KDM4C: variants seen among roughly 807,000 people sequenced by gnomAD.
KDM4C encodes the protein lysine demethylase 4C.
Under a neutral mutation model 129.3 loss-of-function variants are expected in KDM4C, and 81 were observed. That is an observed-to-expected ratio of 0.63 (90% CI 0.52 to 0.75). The LOEUF is 0.75. KDM4C is among the 30% of genes least tolerant of loss of function. The pLI is 0.00. For missense variants in KDM4C, 1,457 were observed against 1,304.0 expected (o/e 1.12, Z -1.81); for synonymous variants, 573 against 456.1 (o/e 1.26, Z -3.26).
At chr9:6,943,624 A>G (rs1311310567) in intron 8 of KDM4C, among the ~76,000 whole-genome samples, 6 of 152,014 alleles carry the variant, frequency 3.9e-5, no homozygotes, top group Non-Finnish European at 7.4e-5. Flanking sequence ...GCAGTGAGCC[A>G]TAATTGCCCC....
chr9:6,989,940 A>G (rs1029944094), intron 11 of KDM4C, among the ~76,000 whole-genome samples: 1 of 148,352 alleles, frequency 6.7e-6, no homozygotes, highest in African/African-American at 2.5e-5. Context: ...ATACCTGGCT[A>G]TTTTTTTTTT....
chr9:6,812,473 G>A (rs1286799257), intron 3 of KDM4C, among the ~76,000 whole-genome samples: 1 of 152,118 alleles, frequency 6.6e-6, no homozygotes, highest in African/African-American at 2.4e-5. Flanking sequence ...GGATGGGAGT[G>A]GTGGGATGGT....
chr9:6,905,202 A>G (rs1818105143), intron 8 of KDM4C, among the ~76,000 whole-genome samples: 1 of 152,236 alleles, frequency 6.6e-6, no homozygotes, highest in Non-Finnish European at 1.5e-5. Flanking sequence ...TTAACGAGGA[A>G]CAAATGTAAC....
intron 1 of KDM4C, among the ~76,000 whole-genome samples, chr9:6,763,749 T>A (rs1820054919): frequency 6.6e-6 from 1 of 152,182 alleles, no homozygotes; most frequent in Non-Finnish European, 1.5e-5. Flanking sequence ...CCTTTTCACA[T>A]TGGAGAATGC....
intron 8 of KDM4C, among the ~76,000 whole-genome samples, chr9:6,952,916 CGGG>C (rs1563875129): frequency 6.6e-6 from 1 of 151,898 alleles, no homozygotes; most frequent in Non-Finnish European, 1.5e-5. Context: ...GGTTTGCAGT[CGGG>C]GGAGGGAGAT....
At chr9:6,951,959 G>T (rs1252504411) in intron 8 of KDM4C, among the ~76,000 whole-genome samples, 1 of 151,906 alleles carries the variant, frequency 6.6e-6, no homozygotes, top group Non-Finnish European at 1.5e-5. Flanking sequence ...TAATATTGGG[G>T]TATGGCAGTG....
At position 6,743,350 on chromosome 9, in the gene KDM4C, G is replaced by T. The variant is rs1817767155; in HGVS notation, c.49+22353G>T. ...TAACCAGCACCCCGCACAATTCAGGGCACACGGGAGGTATGAGGCACATTT... is the reference window on the plus strand; with the variant it reads ...TAACCAGCACCCCGCACAATTCAGGTCACACGGGAGGTATGAGGCACATTT... On this transcript the variant is annotated intron_variant, in intron 1 of 17. Transcript: ENST00000536108. 2.0e-5 allele frequency among the ~76,000 whole-genome samples: 3 copies of T among 152,072 alleles called. No homozygotes were observed. In the South Asian group the frequency reaches 6.2e-4, roughly 32 times the overall value.
intron 4 of KDM4C, among the ~76,000 whole-genome samples, chr9:6,821,483 A>AT (rs973133589): frequency 3.4e-4 from 51 of 152,138 alleles, no homozygotes; most frequent in African/African-American, 1.2e-3. Flanking sequence ...GATGATGAGC[A>AT]TTTTTTCTTG....
intron 17 of KDM4C, among the ~76,000 whole-genome samples, chr9:7,090,233 A>G (rs1259882322): frequency 2.6e-5 from 4 of 152,210 alleles, no homozygotes; most frequent in South Asian, 2.1e-4. Flanking sequence ...ATTTTGACAC[A>G]CAGCCTTTAA....
chr9:6,775,865 G>T (rs1822917116), intron 1 of KDM4C, among the ~76,000 whole-genome samples: 1 of 152,054 alleles, frequency 6.6e-6, no homozygotes, highest in Non-Finnish European at 1.5e-5. Flanking sequence ...TTTGGTGCTT[G>T]GTAATTCCTT....
At chr9:6,856,578 G>GTGTA (rs1256987219) in intron 5 of KDM4C, among the ~76,000 whole-genome samples, 3 of 132,372 alleles carry the variant, frequency 2.3e-5, no homozygotes, top group South Asian at 5.8e-4. Context: ...GTGTGTGTGT[G>GTGTA]TGTATTTTTT....
rs146316520 is a variant in KDM4C, at chr9:6,863,772, C to T, written c.629+14072C>T. Reference sequence around the variant, plus strand: ...ATCTTGCCACTGCCTCCAGCCTGGGCGACACAGCGAGACTCCATCTCAAAA... The same window carrying T: ...ATCTTGCCACTGCCTCCAGCCTGGGTGACACAGCGAGACTCCATCTCAAAA... On this transcript the variant is annotated intron_variant, in intron 5 of 21. Transcript: ENST00000381309. 4.5e-3 allele frequency among the ~76,000 whole-genome samples: 604 copies of T among 133,960 alleles called. 2 individuals are homozygous for T. The highest frequency in any genetic ancestry group is 0.017 in the African/African-American group (576 of 34,816). The allele number at this position is 133,960 out of a possible 152,430, so 87.9% of individuals were successfully genotyped here. A position where few individuals can be genotyped will look rare whatever the true frequency, so the allele number is the denominator to read the frequency against.
intron 19 of KDM4C, among the ~76,000 whole-genome samples, chr9:7,157,817 T>C (rs1232887523): frequency 3.9e-5 from 6 of 152,134 alleles, no homozygotes; most frequent in Admixed American, 3.9e-4. Flanking sequence ...AAAATTCTCT[T>C]TTTTTTGTTG....
intron 1 of KDM4C, among the ~76,000 whole-genome samples, chr9:6,737,616 A>T (rs181623846): frequency 5.9e-4 from 84 of 143,522 alleles, no homozygotes; most frequent in Non-Finnish European, 1.1e-3. Flanking sequence ...GTGAGCCGGG[A>T]TCACACCATT....
At chr9:7,149,681 A>G (rs1258447161) in intron 19 of KDM4C, among the ~76,000 whole-genome samples, 1 of 152,260 alleles carries the variant, frequency 6.6e-6, no homozygotes. Flanking sequence ...GGTGCCCAGC[A>G]CATAGTAAAC....
At chr9:7,014,032 G>T in intron 14 of KDM4C, 31 bp downstream of exon 14, 1 of 1,560,946 alleles carries the variant, frequency 6.4e-7, no homozygotes, top group Non-Finnish European at 8.8e-7. Context: ...TCAATCACTG[G>T]CTTTTCAGCA....
At chr9:7,010,954 C>T (rs1822570164) in intron 12 of KDM4C, among the ~76,000 whole-genome samples, 1 of 152,016 alleles carries the variant, frequency 6.6e-6, no homozygotes, top group East Asian at 1.9e-4. Flanking sequence ...TGAGGCGGTA[C>T]AATGGCTTGA....
At chr9:7,110,102 G>T (rs1838150357) in intron 18 of KDM4C, among the ~76,000 whole-genome samples, 1 of 152,148 alleles carries the variant, frequency 6.6e-6, no homozygotes, top group Non-Finnish European at 1.5e-5. Context: ...CATGAGAATG[G>T]ACTAATCCAC....
In KDM4C at chr9:7,174,535, A is replaced by T; in HGVS notation, c.2995-18A>T. ...CAAATGCCGTGCCCTTTTGCAATAT[A>T]ACACCAGCTGCTTTTAGTCCACAGC... is the stretch of plus-strand genomic sequence containing the variant. On this transcript the variant is annotated intron_variant, in intron 21 of 21. Coordinates refer to ENST00000381309, the MANE Select transcript of KDM4C (RefSeq NM_015061.6). 3.1e-6 allele frequency: 5 copies of T among 1,613,040 alleles called. No individual in the cohort carries two copies. The highest frequency in any genetic ancestry group is 4.2e-6 in the Non-Finnish European group (5 of 1,179,126).
Sources: gnomAD v4.1 joint callset for allele counts (sites outside exome capture counted in the v4.1 genomes callset) on GRCh38, gnomAD v4.1.1 for gene constraint, MANE v1.5 for transcripts, NCBI Gene and HGNC (gene_info 2026-07-23, HGNC 2026-07-21) for gene names.